Variants in VEZT observed in about 807,000 individuals in gnomAD.
VEZT encodes vezatin.
In VEZT, 39 loss-of-function variants were observed where a neutral mutation model predicts 79.9. That is an observed-to-expected ratio of 0.49 (90% confidence interval 0.38 to 0.64). The LOEUF (loss-of-function observed/expected upper bound fraction) is 0.64. Ranked by LOEUF, VEZT falls within the 30% of genes least tolerant of loss-of-function variation. The pLI, the probability that VEZT is intolerant of heterozygous loss-of-function variation, is 0.00. For synonymous variants in VEZT, 325 were observed against 327.6 expected (o/e 0.99, Z 0.09); for missense variants, 837 against 893.1 (o/e 0.94, Z 0.80).
intron 7 of VEZT, among the ~76,000 whole-genome samples, chr12:95,277,024 GCACCATCCTAGTCCCAGC>G (rs2067931371): frequency 6.8e-6 from 1 of 146,632 alleles, no homozygotes; most frequent in Admixed American, 6.8e-5. Context: ...CCCCGCCCCC[GCACCATCCTAGTCCCAGC>G]CACCATGCTA....
At chr12:95,269,782 C>G in intron 5 of VEZT, 1 of 274,942 alleles carries the variant, frequency 3.6e-6, no homozygotes, top group South Asian at 8.7e-5. Flanking sequence ...CCATTGTTTC[C>G]CCACATCAGA....
chr12:95,287,578 A>C (rs1462559252), intron 8 of VEZT, 86 bp from the exon 9 acceptor site: 1 of 1,288,272 alleles, frequency 7.8e-7, no homozygotes, highest in African/African-American at 1.5e-5. Flanking sequence ...GCTGAGATTT[A>C]AGCTTATTTT....
chr12:95,271,900 C>G (rs117481266), intron 6 of VEZT, among the ~76,000 whole-genome samples: 1 of 152,168 alleles, frequency 6.6e-6, no homozygotes, highest in Non-Finnish European at 1.5e-5. Flanking sequence ...AAAATATGGG[C>G]TTGGTGCAGT....
At chr12:95,248,189 C>T (rs547720147) in intron 1 of VEZT, among the ~76,000 whole-genome samples, 2 of 152,266 alleles carry the variant, frequency 1.3e-5, no homozygotes, top group African/African-American at 4.8e-5. Context: ...TGTGCCACAC[C>T]TTTAACAAGA....
chr12:95,274,801 A>G lies in VEZT; in HGVS notation c.908A>G (p.Lys303Arg), dbSNP rs769711791. The G allele has an allele frequency of 1.2e-6, 2 of 1,613,924 alleles. No individual in the cohort carries two copies. Among genetic ancestry groups the G allele is most frequent in the Non-Finnish European group, 1.7e-6 (2 of 1,179,848 alleles). The change falls in exon 7 of 12, where the codon AAA becomes AGA. Residue 303 changes from lysine (K) to arginine (R), a missense_variant. Lys to Arg is a conservative substitution (Grantham distance 26). Coordinates refer to ENST00000436874, the MANE Select transcript of VEZT (RefSeq NM_017599.4). ...VTNYICVVPF[K>R]ELGLGLSEEQ... ...AACTACATCTGTGTGGTGCCTTTTA[A>G]AGAGCTGGGCCTTGGACTTAGTGAA...
intron 1 of VEZT, among the ~76,000 whole-genome samples, chr12:95,240,052 G>GGAAA (rs2060782222): frequency 1.5e-5 from 2 of 135,626 alleles, no homozygotes; most frequent in Admixed American, 1.5e-4. Context: ...AAGGAAGGAA[G>GGAAA]GAAGGAAGGA....
intron 1 of VEZT, chr12:95,224,317 ACT>A: frequency 5.1e-6 from 2 of 388,974 alleles, no homozygotes; most frequent in South Asian, 1.8e-5. Context: ...TAAAGCCACA[ACT>A]TTTTTTTTTT....
At chr12:95,289,417 CAAAAAAAAAAAAAAAA>C (rs146728004) in intron 9 of VEZT, among the ~76,000 whole-genome samples, 872 of 69,562 alleles carry the variant, frequency 0.013, 22 homozygotes, top group African/African-American at 0.046. Flanking sequence ...ACTCTTGTCT[CAAAAAAAAAAAAAAAA>C]AAAAAAAAAG....
At chr12:95,224,664 A>G (rs1454267129) in intron 1 of VEZT, among the ~76,000 whole-genome samples, 1 of 152,198 alleles carries the variant, frequency 6.6e-6, no homozygotes, top group Non-Finnish European at 1.5e-5. Context: ...GAAAGCTTGT[A>G]AGGCATGTTT....
At position 95,301,688 on chromosome 12, in the gene VEZT, C is replaced by T. The variant is rs2075226220; in HGVS notation, c.*1015C>T. 1 of 152,156 alleles carries T rather than the reference C, an allele frequency of 6.6e-6. No homozygotes were observed. The highest frequency in any genetic ancestry group is 2.1e-4 in the South Asian group (1 of 4,832). 9.4% of individuals were successfully genotyped at this position (152,156 alleles called of 1,614,324 possible). On this transcript the variant is annotated 3_prime_UTR_variant, in exon 12 of 12. Transcript: ENST00000436874. ...TTTTCAGCATATACAGTTTTGAAAC[C>T]TGTAGCTCCTATGCAATAACATAGT...
In VEZT at chr12:95,262,918, C is replaced by T. The variant is rs760391479; in HGVS notation, c.271C>T (p.Arg91Ter). 4 of 1,592,188 alleles carry T rather than the reference C, an allele frequency of 2.5e-6. No homozygotes were observed. Among genetic ancestry groups the T allele is most frequent in the South Asian group, 1.1e-5 (1 of 88,652 alleles). The part of the protein sequence containing the change: ...DLLHKLDIGF[R>*]LDSLHTILQQ... ...TTTTAATGGCAAGGATATTGGATTC[C>T]GACTCGACTCATTACATACCATCCT... The change falls in exon 4 of 12, where the codon CGA (arginine) becomes TGA (stop). Residue 91 changes from arginine to a stop codon, truncating the protein, a stop_gained. Transcript: ENST00000436874. LOFTEE classifies it high-confidence loss of function.
intron 7 of VEZT, 60 bp downstream of exon 7, chr12:95,274,949 A>T (rs530318784): frequency 1.3e-6 from 2 of 1,560,028 alleles, no homozygotes; most frequent in South Asian, 1.2e-5. Flanking sequence ...GATTGTGTCT[A>T]TGCTTTCTGA....
intron 9 of VEZT, among the ~76,000 whole-genome samples, chr12:95,291,418 T>C (rs181614169): frequency 6.6e-6 from 1 of 152,320 alleles, no homozygotes; most frequent in East Asian, 1.9e-4. Context: ...GATCTGGTAG[T>C]TGCATCCACG....
At chr12:95,223,822 T>C (rs1448207363) in intron 1 of VEZT, among the ~76,000 whole-genome samples, 1 of 152,208 alleles carries the variant, frequency 6.6e-6, no homozygotes, top group South Asian at 2.1e-4. Flanking sequence ...TGGTTTTAAA[T>C]TTTTTTAAAA....
intron 1 of VEZT, among the ~76,000 whole-genome samples, chr12:95,238,952 T>A (rs1292299720): frequency 1.3e-5 from 2 of 152,206 alleles, no homozygotes; most frequent in African/African-American, 4.8e-5. Flanking sequence ...GTACAATATA[T>A]GTCCTAATAT....
intron 9 of VEZT, among the ~76,000 whole-genome samples, chr12:95,292,002 G>A (rs564886810): frequency 6.6e-6 from 1 of 152,260 alleles, no homozygotes; most frequent in African/African-American, 2.4e-5. Context: ...TTTTCGTCAT[G>A]TTGGCCAGGC....
chr12:95,246,933 C>T (rs1384592239), intron 1 of VEZT, among the ~76,000 whole-genome samples: 1 of 152,176 alleles, frequency 6.6e-6, no homozygotes, highest in African/African-American at 2.4e-5. Flanking sequence ...AAAAACACCC[C>T]TTTCTAAAGC....
At chr12:95,264,438 T>G (rs2065113588) in intron 4 of VEZT, among the ~76,000 whole-genome samples, 1 of 152,100 alleles carries the variant, frequency 6.6e-6, no homozygotes, top group African/African-American at 2.4e-5. Flanking sequence ...GGGCAAATAT[T>G]TATTTATTTA....
chr12:95,264,620 A>C (rs2065145527), intron 4 of VEZT, among the ~76,000 whole-genome samples: 1 of 152,020 alleles, frequency 6.6e-6, no homozygotes, highest in South Asian at 2.1e-4. Context: ...TATTTTTTTC[A>C]GAGACAGGGT....
Sources: allele counts gnomAD v4.1 joint callset (sites outside exome capture counted in the v4.1 genomes callset), GRCh38; gene constraint gnomAD v4.1.1; transcripts MANE v1.5; gene names NCBI Gene and HGNC (gene_info 2026-07-23, HGNC 2026-07-21).